PSD3: variants seen among roughly 807,000 people sequenced by gnomAD.
The protein encoded by PSD3 is PH and SEC7 domain-containing protein 3.
In PSD3, 49 loss-of-function variants were observed where a neutral mutation model predicts 105.5. The observed-to-expected ratio is 0.46, with a 90% confidence interval of 0.37 to 0.59. The LOEUF is 0.59. PSD3 is among the 20% of genes least tolerant of loss of function. The probability of loss-of-function intolerance (pLI) is 0.00; values close to 1 mark genes in which losing one functional copy is unlikely to be tolerated. For synonymous variants in PSD3, 557 were observed against 457.8 expected (o/e 1.22, Z -2.77); for missense variants, 1,561 against 1,263.8 (o/e 1.24, Z -3.57).
At chr8:18,724,975 C>T (rs1005037169) in intron 9 of PSD3, among the ~76,000 whole-genome samples, 2 of 152,126 alleles carry the variant, frequency 1.3e-5, no homozygotes, top group Non-Finnish European at 2.9e-5. Flanking sequence ...AAAGAAAAGT[C>T]ATGTAAAAGG....
At chr8:19,068,735 A>G (rs2129477842) in intron 1 of PSD3, among the ~76,000 whole-genome samples, 1 of 150,446 alleles carries the variant, frequency 6.6e-6, no homozygotes, top group East Asian at 2.0e-4. Flanking sequence ...CGTTGTGCAC[A>G]TGTACCCTAG....
intron 2 of PSD3, among the ~76,000 whole-genome samples, chr8:18,874,725 A>G (rs974536569): frequency 6.6e-6 from 1 of 150,610 alleles, no homozygotes; most frequent in Non-Finnish European, 1.5e-5. Flanking sequence ...AAAAAAAAAA[A>G]TTTGATTTCC....
At chr8:18,637,566 C>T (rs1315916764) in intron 10 of PSD3, among the ~76,000 whole-genome samples, 1 of 152,142 alleles carries the variant, frequency 6.6e-6, no homozygotes, top group African/African-American at 2.4e-5. Flanking sequence ...TTGCATTTGG[C>T]AAAATGCATT....
At chr8:18,813,410 T>G (rs1811883076) in intron 4 of PSD3, among the ~76,000 whole-genome samples, 1 of 152,152 alleles carries the variant, frequency 6.6e-6, no homozygotes, top group Non-Finnish European at 1.5e-5. Context: ...CTGCAAGAAT[T>G]CAGTAGATGT....
At chr8:18,636,058 T>G (rs1362831854) in intron 10 of PSD3, among the ~76,000 whole-genome samples, 1 of 151,938 alleles carries the variant, frequency 6.6e-6, no homozygotes, top group Non-Finnish European at 1.5e-5. Context: ...TAAAGTAAAA[T>G]AAAATAAAAA....
chr8:18,748,066 T>C (rs1001637990), intron 9 of PSD3, among the ~76,000 whole-genome samples: 1 of 152,172 alleles, frequency 6.6e-6, no homozygotes, highest in Non-Finnish European at 1.5e-5. Flanking sequence ...ACCCCTTGGC[T>C]TTCTGCCACC....
intron 4 of PSD3, among the ~76,000 whole-genome samples, chr8:18,841,760 C>G (rs1185143445): frequency 6.6e-6 from 1 of 152,192 alleles, no homozygotes; most frequent in East Asian, 1.9e-4. Context: ...CTCTGAAAGA[C>G]AGGCATAGAA....
intron 2 of PSD3, among the ~76,000 whole-genome samples, chr8:18,927,661 C>T (rs1821457832): frequency 6.6e-6 from 1 of 152,330 alleles, no homozygotes; most frequent in East Asian, 1.9e-4. Flanking sequence ...TGCCATGCTA[C>T]TTAGTTTCCC....
intron 4 of PSD3, among the ~76,000 whole-genome samples, chr8:18,843,065 T>C (rs754746008): frequency 6.6e-6 from 1 of 152,162 alleles, no homozygotes; most frequent in Non-Finnish European, 1.5e-5. Context: ...AATAAAAACA[T>C]AAAACCATCA....
chr8:18,819,410 C>G (rs1403214726), intron 4 of PSD3, among the ~76,000 whole-genome samples: 1 of 152,046 alleles, frequency 6.6e-6, no homozygotes, highest in East Asian at 1.9e-4. Context: ...AGAGATGCTA[C>G]TCAATAGAAA....
At chr8:19,078,411 T>C (rs896426960) in intron 1 of PSD3, among the ~76,000 whole-genome samples, 3 of 152,218 alleles carry the variant, frequency 2.0e-5, no homozygotes, top group Non-Finnish European at 4.4e-5. Flanking sequence ...TACAGTAATG[T>C]ATAATTTAAT....
chr8:18,821,870 CACCA>C (rs1196257827), intron 4 of PSD3, among the ~76,000 whole-genome samples: 59 of 51,476 alleles, frequency 1.1e-3, no homozygotes, highest in African/African-American at 4.4e-3. Context: ...CATGCACACA[CACCA>C]CACACACACA....
chr8:19,042,435 T>C (rs1445950372), intron 1 of PSD3, among the ~76,000 whole-genome samples: 1 of 152,194 alleles, frequency 6.6e-6, no homozygotes, highest in Non-Finnish European at 1.5e-5. Flanking sequence ...AGGTCCATTA[T>C]ATAGAAAGTA....
intron 1 of PSD3, among the ~76,000 whole-genome samples, chr8:18,958,721 G>T (rs958281274): frequency 3.3e-5 from 5 of 152,072 alleles, no homozygotes; most frequent in Non-Finnish European, 7.4e-5. Flanking sequence ...CAGAATACAT[G>T]CATAAAATTA....
intron 2 of PSD3, among the ~76,000 whole-genome samples, chr8:18,878,541 A>T (rs146888267): frequency 6.6e-6 from 1 of 152,342 alleles, no homozygotes; most frequent in African/African-American, 2.4e-5. Context: ...AATAAGCTTA[A>T]GCATACATAC....
chr8:18,866,799 A>C (rs1297101684), intron 4 of PSD3, among the ~76,000 whole-genome samples: 1 of 152,036 alleles, frequency 6.6e-6, no homozygotes, highest in Admixed American at 6.6e-5. Context: ...TTTTAACAAA[A>C]AACACTGGTA....
In PSD3 at chr8:18,786,430, G is replaced by A. The variant is rs576091256; in HGVS notation, c.2082+12865C>T. Among the ~76,000 whole-genome samples the A allele has an allele frequency of 3.9e-5, 6 of 152,318 alleles. No individual in the cohort carries two copies. In the South Asian group the frequency reaches 1.2e-3, roughly 32 times the overall value. On this transcript the variant is annotated intron_variant, in intron 8 of 15. Coordinates refer to ENST00000327040, the MANE Select transcript of PSD3 (RefSeq NM_015310.4). Reference sequence around the variant, plus strand: ...AGTCTATGAAGCTATTTTGGTCTATGAAATCATACCTCATCCTAAATTCAG... The same window carrying A: ...AGTCTATGAAGCTATTTTGGTCTATAAAATCATACCTCATCCTAAATTCAG...
intron 1 of PSD3, among the ~76,000 whole-genome samples, chr8:19,005,157 T>C (rs984781096): frequency 2.6e-5 from 4 of 151,994 alleles, no homozygotes; most frequent in Non-Finnish European, 5.9e-5. Flanking sequence ...TATGCTTGTG[T>C]TCAGAATGGC....
intron 1 of PSD3, among the ~76,000 whole-genome samples, chr8:18,972,307 T>G (rs935448053): frequency 6.6e-6 from 1 of 152,194 alleles, no homozygotes; most frequent in African/African-American, 2.4e-5. Context: ...AATACAACGC[T>G]GTTATAATGT....
Sources: gnomAD v4.1 joint callset for allele counts (sites outside exome capture counted in the v4.1 genomes callset) on GRCh38, gnomAD v4.1.1 for gene constraint, MANE v1.5 for transcripts, NCBI Gene and HGNC (gene_info 2026-07-23, HGNC 2026-07-21) for gene names.